Variants in HDAC8 observed in about 807,000 individuals in gnomAD.
HDAC8 encodes histone deacetylase-like 1.
In HDAC8, 1 loss-of-function variant was observed where a neutral mutation model predicts 32.2. The observed-to-expected ratio is 0.03, with a 90% CI of 0.01 to 0.15. The LOEUF is 0.15. Among genes scored for constraint, HDAC8 ranks in the 10% least tolerant of loss-of-function variants. HDAC8 has a pLI of 1.00. For synonymous variants in HDAC8, 108 were observed against 113.9 expected, an observed-to-expected ratio of 0.95 and a Z score of 0.33; for missense variants, 117 against 300.0, an observed-to-expected ratio of 0.39 and a Z score of 4.51.
At chrX:72,356,755 T>G (rs1282826367) in intron 9 of HDAC8, among the ~76,000 whole-genome samples, 1 of 111,772 alleles carries the variant, frequency 8.9e-6, no homozygotes, top group African/African-American at 3.3e-5. Context: ...AATTTTTGTA[T>G]TTTTAGTAGA....
At chrX:72,547,674 C>T (rs782297438) in intron 4 of HDAC8, among the ~76,000 whole-genome samples, 82 of 111,197 alleles carry the variant, frequency 7.4e-4, no homozygotes, top group Admixed American at 1.8e-3. Flanking sequence ...TGGGTTTGAA[C>T]CCAACTTGGT....
At chrX:72,379,050 G>A in intron 9 of HDAC8, among the ~76,000 whole-genome samples, 1 of 111,048 alleles carries the variant, frequency 9.0e-6, no homozygotes, top group Non-Finnish European at 1.9e-5. Context: ...TAGAGACAGG[G>A]TTTCGCCATG....
At chrX:72,350,012 T>C (rs1406321189) in intron 10 of HDAC8, among the ~76,000 whole-genome samples, 1 of 111,415 alleles carries the variant, frequency 9.0e-6, no homozygotes, top group East Asian at 2.8e-4. Flanking sequence ...AGGACATGCG[T>C]ACCAGGTTTG....
chrX:72,550,797 C>T (rs2051041478), intron 4 of HDAC8, among the ~76,000 whole-genome samples: 1 of 111,167 alleles, frequency 9.0e-6, no homozygotes, highest in Non-Finnish European at 1.9e-5. Flanking sequence ...CTACCCCTTC[C>T]ACTATTACTC....
Position 72,435,113 on chromosome X carries a change from A to G in HDAC8, c.1005+26891T>C, listed in dbSNP as rs782460311. Reference sequence around the variant, plus strand: ...TCTGGCTTCTGGTAATGGTGGAATAATTTCTATCAGACTAACCTTTATGAT... The same window carrying G: ...TCTGGCTTCTGGTAATGGTGGAATAGTTTCTATCAGACTAACCTTTATGAT... On this transcript the variant is annotated intron_variant, in intron 9 of 10. Coordinates refer to ENST00000373573, the MANE Select transcript of HDAC8 (RefSeq NM_018486.3). Among the ~76,000 whole-genome samples, 3 of 112,531 alleles carry G rather than the reference A, an allele frequency of 2.7e-5. No individual in the cohort carries two copies. The Admixed American group carries it at 2.8e-4, about 11-fold the overall frequency.
At chrX:72,439,709 A>G (rs56768066) in intron 9 of HDAC8, among the ~76,000 whole-genome samples, 8,581 of 109,336 alleles carry the variant, frequency 0.078, 944 homozygotes, top group African/African-American at 0.28. Flanking sequence ...AACCAACAAC[A>G]ATCTAAAAAG....
chrX:72,335,193 A>G (rs1182862021), intron 10 of HDAC8, among the ~76,000 whole-genome samples: 3 of 112,266 alleles, frequency 2.7e-5, no homozygotes, highest in African/African-American at 9.7e-5. Flanking sequence ...ATACATTATC[A>G]TTAACTTAAG....
At chrX:72,382,022 T>G (rs977940421) in intron 9 of HDAC8, among the ~76,000 whole-genome samples, 9 of 112,307 alleles carry the variant, frequency 8.0e-5, no homozygotes, top group Non-Finnish European at 1.7e-4. Context: ...CTCCTGGCTG[T>G]GTAAATATTT....
chrX:72,442,211 G>A (rs2047178610), intron 9 of HDAC8, among the ~76,000 whole-genome samples: 1 of 110,502 alleles, frequency 9.0e-6, no homozygotes, highest in Non-Finnish European at 1.9e-5. Context: ...CTCGAGAAGA[G>A]CAACTCCAAG....
rs1311521512 is a variant in HDAC8, at chrX:72,378,167, A to G, written c.1006-26329T>C. Among the ~76,000 whole-genome samples the G allele has an allele frequency of 6.3e-5, 7 of 110,807 alleles. No homozygotes were observed. The Admixed American group carries it at 6.8e-4, about 11-fold the overall frequency. ...GTTTGGATATGGTTTGTTCATCCCC[A>G]CCAAAACTCATTTAAAACTTGATCC... On this transcript the variant is annotated intron_variant, in intron 9 of 10. Coordinates refer to ENST00000373573, the MANE Select transcript of HDAC8 (RefSeq NM_018486.3).
chrX:72,548,624 C>T (rs1569394621), intron 4 of HDAC8, among the ~76,000 whole-genome samples: 2 of 111,546 alleles, frequency 1.8e-5, no homozygotes, highest in Non-Finnish European at 3.8e-5. Context: ...TCATCATCAC[C>T]TCCTTACTGA....
intron 7 of HDAC8, among the ~76,000 whole-genome samples, chrX:72,470,905 G>A (rs2048156086): frequency 1.8e-5 from 2 of 111,422 alleles, no homozygotes; most frequent in African/African-American, 6.6e-5. Context: ...ACAATTCAAT[G>A]GCTTTTAGCA....
chrX:72,469,536 A>T (rs1282704271), intron 7 of HDAC8, among the ~76,000 whole-genome samples: 1 of 111,670 alleles, frequency 9.0e-6, no homozygotes, highest in Non-Finnish European at 1.9e-5. Context: ...TTACTTTAGC[A>T]CCCTAGTTCC....
At chrX:72,468,853 T>C (rs1280454303) in intron 7 of HDAC8, among the ~76,000 whole-genome samples, 4 of 112,293 alleles carry the variant, frequency 3.6e-5, no homozygotes, top group Non-Finnish European at 5.6e-5. Flanking sequence ...ATGCCTGTTA[T>C]AGGTACTACG....
At chrX:72,539,287 A>G (rs1416559002) in intron 4 of HDAC8, among the ~76,000 whole-genome samples, 7 of 111,480 alleles carry the variant, frequency 6.3e-5, no homozygotes, top group African/African-American at 2.3e-4. Flanking sequence ...GCTGGAGTGC[A>G]GTGGCACGAT....
At chrX:72,489,116 G>A in intron 6 of HDAC8, 75 bp from the exon 7 acceptor site, 1 of 686,484 alleles carries the variant, frequency 1.5e-6, no homozygotes, top group Non-Finnish European at 2.2e-6. Context: ...TTTCCTGATA[G>A]GGAAATTTCT....
At position 72,525,800 on chromosome X, in the gene HDAC8, C is replaced by T. The variant is rs782145308; in HGVS notation, c.438-30532G>A. On this transcript the variant is annotated intron_variant, in intron 4 of 10. Coordinates refer to ENST00000373573, the MANE Select transcript of HDAC8 (RefSeq NM_018486.3). Reference sequence around the variant, plus strand: ...CTGCACTCCAGCCTGGGCAACAGAGCGAGACTCTGTCTCAAAAAAAAAAAA... The same window carrying T: ...CTGCACTCCAGCCTGGGCAACAGAGTGAGACTCTGTCTCAAAAAAAAAAAA... Among the ~76,000 whole-genome samples the T allele has an allele frequency of 9.3e-3, 610 of 65,883 alleles. 1 individual carries two copies. Among genetic ancestry groups the T allele is most frequent in the Non-Finnish European group, 0.014 (546 of 39,728 alleles). 57.2% of individuals were successfully genotyped at this position (65,883 alleles called of 115,157 possible).
At chrX:72,549,527 C>G (rs1383969575) in intron 4 of HDAC8, among the ~76,000 whole-genome samples, 1 of 111,129 alleles carries the variant, frequency 9.0e-6, no homozygotes, top group Non-Finnish European at 1.9e-5. Flanking sequence ...CATCTCAGAC[C>G]TACTGAATTA....
chrX:72,451,784 A>C lies in HDAC8; in HGVS notation c.1005+10220T>G, dbSNP rs546867013. ...CTGGAAAATTAACAAATTACAGGAA[A>C]CATCTATTTTCAGAAATTGGACAAT... On this transcript the variant is annotated intron_variant, in intron 9 of 10. Coordinates refer to ENST00000373573, the MANE Select transcript of HDAC8 (RefSeq NM_018486.3). 3.5e-4 allele frequency among the ~76,000 whole-genome samples: 39 copies of C among 112,945 alleles called. No individual in the cohort carries two copies. The South Asian group carries it at 0.013, about 39-fold the overall frequency.
Sources: gnomAD v4.1 joint callset for allele counts (sites outside exome capture counted in the v4.1 genomes callset) on GRCh38, gnomAD v4.1.1 for gene constraint, MANE v1.5 for transcripts, NCBI Gene and HGNC (gene_info 2026-07-23, HGNC 2026-07-21) for gene names.